Variants in IQCM observed in about 807,000 individuals in gnomAD.
IQCM encodes the protein IQ motif containing M.
In IQCM, 45 loss-of-function variants were observed where a neutral mutation model predicts 57.6. The ratio of observed to expected loss-of-function variants is 0.78; its 90% confidence interval spans 0.62 to 1.00. IQCM has a LOEUF of 1.00. Ranked by LOEUF, IQCM falls within the 50% of genes least tolerant of loss-of-function variation. The pLI, the probability that IQCM is intolerant of heterozygous loss-of-function variation, is 0.00. For synonymous variants in IQCM, 148 were observed against 158.9 expected (o/e 0.93, Z 0.51); for missense variants, 468 against 511.6 (o/e 0.91, Z 0.82).
At chr4:149,712,346 T>TCACACA (rs35704697) in intron 5 of IQCM, among the ~76,000 whole-genome samples, 1 of 147,764 alleles carries the variant, frequency 6.8e-6, no homozygotes, top group Non-Finnish European at 1.5e-5. Flanking sequence ...CTGTCAATGT[T>TCACACA]CACACACACA....
At chr4:149,689,911 G>C (rs1038219352) in intron 5 of IQCM, among the ~76,000 whole-genome samples, 1 of 151,928 alleles carries the variant, frequency 6.6e-6, no homozygotes, top group Admixed American at 6.6e-5. Flanking sequence ...ATTAAAAACA[G>C]CAGATGTTGG....
At chr4:149,353,833 A>AAG (rs550154429) in intron 13 of IQCM, among the ~76,000 whole-genome samples, 8 of 152,284 alleles carry the variant, frequency 5.3e-5, no homozygotes, top group African/African-American at 1.4e-4. Context: ...GCAGATGTTT[A>AAG]AGATGAACAG....
intron 2 of IQCM, among the ~76,000 whole-genome samples, chr4:149,760,279 A>G (rs1345124520): frequency 6.6e-6 from 1 of 152,182 alleles, no homozygotes; most frequent in African/African-American, 2.4e-5. Context: ...AAGAAAGCCA[A>G]GTGAAGAGTG....
At chr4:149,491,471 A>T (rs988972010) in intron 12 of IQCM, among the ~76,000 whole-genome samples, 4 of 152,102 alleles carry the variant, frequency 2.6e-5, no homozygotes, top group Non-Finnish European at 2.9e-5. Context: ...TTCTATGAGT[A>T]CAACCTTTTC....
At chr4:149,720,678 A>T (rs1022236294) in intron 5 of IQCM, among the ~76,000 whole-genome samples, 4 of 152,222 alleles carry the variant, frequency 2.6e-5, no homozygotes, top group African/African-American at 9.6e-5. Context: ...AAGCAAAAGA[A>T]AATTCCTGAC....
rs79052607 is a variant in IQCM, at chr4:149,403,517, T to C, written c.1390+29879A>G. Among the ~76,000 whole-genome samples the C allele has an allele frequency of 2.8e-3, 424 of 152,100 alleles. 2 individuals carry two copies. The highest frequency in any genetic ancestry group is 0.017 in the Middle Eastern group (5 of 294). Reference sequence around the variant, plus strand: ...ATAGCAATTTGCTATGGGCCTGAACTGGCAGACTAATTTTCAGCCTCAGCT... The same window carrying C: ...ATAGCAATTTGCTATGGGCCTGAACCGGCAGACTAATTTTCAGCCTCAGCT... On this transcript the variant is annotated intron_variant, in intron 13 of 13. Transcript: ENST00000636793.
chr4:149,794,616 T>C (rs941832510), intron 2 of IQCM, among the ~76,000 whole-genome samples: 1 of 152,058 alleles, frequency 6.6e-6, no homozygotes, highest in Non-Finnish European at 1.5e-5. Flanking sequence ...TAAGAGAAAT[T>C]CCAAGAAATG....
At chr4:149,572,892 T>C (rs17502154) in intron 9 of IQCM, among the ~76,000 whole-genome samples, 3,621 of 152,112 alleles carry the variant, frequency 0.024, 106 homozygotes, top group South Asian at 0.15. Context: ...TCCAACATTA[T>C]TCTCAATTGC....
At chr4:149,365,463 C>T (rs893199973) in intron 13 of IQCM, among the ~76,000 whole-genome samples, 4 of 152,128 alleles carry the variant, frequency 2.6e-5, no homozygotes, top group Non-Finnish European at 5.9e-5. Context: ...GATACCTCCA[C>T]ATCCAGAAGA....
intron 5 of IQCM, among the ~76,000 whole-genome samples, chr4:149,714,688 A>C (rs1312715765): frequency 6.6e-6 from 1 of 152,214 alleles, no homozygotes; most frequent in Non-Finnish European, 1.5e-5. Flanking sequence ...TAACAACAAT[A>C]ATAAAATAGA....
intron 9 of IQCM, among the ~76,000 whole-genome samples, chr4:149,583,031 TG>T (rs544778058): frequency 8.6e-4 from 130 of 151,762 alleles, no homozygotes; most frequent in African/African-American, 2.7e-3. Flanking sequence ...TACTTAGATA[TG>T]TAAGTTGATG....
intron 2 of IQCM, among the ~76,000 whole-genome samples, chr4:149,750,854 A>G (rs1396698875): frequency 6.6e-6 from 1 of 152,256 alleles, no homozygotes; most frequent in African/African-American, 2.4e-5. Context: ...ATTAGAGGCC[A>G]AAACTGTTCA....
chr4:149,355,407 C>T (rs1197122290), intron 13 of IQCM, among the ~76,000 whole-genome samples: 1 of 127,738 alleles, frequency 7.8e-6, no homozygotes, highest in African/African-American at 3.0e-5. Context: ...CCCCACCCCA[C>T]AACAGGCCCC....
chr4:149,603,915 G>A lies in IQCM; in HGVS notation c.682-15918C>T, dbSNP rs985211921. Among the ~76,000 whole-genome samples, 6 of 151,976 alleles carry A rather than the reference G, an allele frequency of 3.9e-5. No individual in the cohort carries two copies. The South Asian group carries it at 1.2e-3, about 32-fold the overall frequency. On this transcript the variant is annotated intron_variant, in intron 8 of 13. Coordinates refer to ENST00000636793, the MANE Select transcript of IQCM (RefSeq NM_001363507.2). ...ATGTGTATATGCACACCTGTGACAT[G>A]TGCGTCCTCATCTCCTTATCTTTCC...
At chr4:149,756,653 G>A (rs1239742090) in intron 2 of IQCM, among the ~76,000 whole-genome samples, 1 of 152,072 alleles carries the variant, frequency 6.6e-6, no homozygotes, top group African/African-American at 2.4e-5. Flanking sequence ...AATTTAAACA[G>A]CTATTACTTA....
intron 7 of IQCM, among the ~76,000 whole-genome samples, chr4:149,661,497 G>T (rs1018390475): frequency 1.3e-5 from 2 of 151,982 alleles, no homozygotes; most frequent in African/African-American, 4.8e-5. Flanking sequence ...TTCTCTCCTC[G>T]AGTTTATAGA....
intron 2 of IQCM, among the ~76,000 whole-genome samples, chr4:149,751,965 T>C (rs1252285084): frequency 6.6e-6 from 1 of 152,114 alleles, no homozygotes; most frequent in African/African-American, 2.4e-5. Flanking sequence ...TGGAAGGACT[T>C]AGTAATAAAC....
chr4:149,604,928 C>T (rs969576654), intron 8 of IQCM, among the ~76,000 whole-genome samples: 1 of 152,182 alleles, frequency 6.6e-6, no homozygotes, highest in African/African-American at 2.4e-5. Flanking sequence ...TCTTAATCTG[C>T]TATCTGCTCA....
At chr4:149,374,270 CTATT>C (rs1182327134) in intron 13 of IQCM, among the ~76,000 whole-genome samples, 1 of 152,128 alleles carries the variant, frequency 6.6e-6, no homozygotes, top group African/African-American at 2.4e-5. Flanking sequence ...TTGTATCCAT[CTATT>C]TATTTATCTA....
Sources: gnomAD v4.1 joint callset for allele counts (sites outside exome capture counted in the v4.1 genomes callset) on GRCh38, gnomAD v4.1.1 for gene constraint, MANE v1.5 for transcripts, NCBI Gene and HGNC (gene_info 2026-07-23, HGNC 2026-07-21) for gene names.